IL1RAPL2: variants seen among roughly 807,000 people sequenced by gnomAD.
IL1RAPL2 encodes the protein X-linked interleukin-1 receptor accessory protein-like 2.
IL1RAPL2 carries 3 observed loss-of-function variants against 44.1 expected under a neutral mutation model. That is an observed-to-expected ratio of 0.07 (90% CI 0.03 to 0.18). The LOEUF (loss-of-function observed/expected upper bound fraction) is 0.18. Among genes scored for constraint, IL1RAPL2 ranks in the 10% least tolerant of loss-of-function variants. The probability of loss-of-function intolerance (pLI) is 1.00; values close to 1 mark genes in which losing one functional copy is unlikely to be tolerated. For missense variants in IL1RAPL2, 391 were observed against 496.4 expected, an observed-to-expected ratio of 0.79 and a Z score of 2.02; for synonymous variants, 181 against 178.8, an observed-to-expected ratio of 1.01 and a Z score of -0.10.
At chrX:104,775,121 G>A (rs1318561995) in intron 2 of IL1RAPL2, among the ~76,000 whole-genome samples, 2 of 112,451 alleles carry the variant, frequency 1.8e-5, no homozygotes, top group Admixed American at 9.4e-5. Flanking sequence ...AAAAGTTAGT[G>A]CTCAATTGTG....
At chrX:105,589,880 A>G (rs2037155987) in intron 6 of IL1RAPL2, among the ~76,000 whole-genome samples, 1 of 111,538 alleles carries the variant, frequency 9.0e-6, no homozygotes, top group Non-Finnish European at 1.9e-5. Context: ...GGTTTCATGA[A>G]TTTTAGAATA....
chrX:104,841,273 A>G (rs1921895403), intron 2 of IL1RAPL2, among the ~76,000 whole-genome samples: 1 of 111,547 alleles, frequency 9.0e-6, no homozygotes, highest in East Asian at 2.8e-4. Flanking sequence ...TTTTGAGCCT[A>G]TGTGTGTCTT....
At chrX:105,738,398 C>T (rs774343433) in intron 7 of IL1RAPL2, among the ~76,000 whole-genome samples, 15 of 110,880 alleles carry the variant, frequency 1.4e-4, no homozygotes, top group Non-Finnish European at 2.1e-4. Flanking sequence ...AATTGGGAGG[C>T]GGGTACTTAG....
intron 5 of IL1RAPL2, among the ~76,000 whole-genome samples, chrX:105,337,042 A>G (rs987345467): frequency 2.7e-5 from 3 of 111,696 alleles, no homozygotes; most frequent in Non-Finnish European, 3.8e-5. Flanking sequence ...CCTGCAGGCC[A>G]TATGTGTTTC....
chrX:104,741,457 T>A (rs1932100659), intron 2 of IL1RAPL2, among the ~76,000 whole-genome samples: 1 of 111,172 alleles, frequency 9.0e-6, no homozygotes, highest in African/African-American at 3.3e-5. Context: ...TTTGGATTAA[T>A]GGTATCGTAA....
At chrX:105,604,575 C>T (rs775306036) in intron 6 of IL1RAPL2, among the ~76,000 whole-genome samples, 2 of 110,552 alleles carry the variant, frequency 1.8e-5, no homozygotes, top group Non-Finnish European at 3.8e-5. Flanking sequence ...TTTTACCAAA[C>T]TTTCATAGAG....
intron 2 of IL1RAPL2, among the ~76,000 whole-genome samples, chrX:105,185,507 G>A (rs976001846): frequency 9.0e-6 from 1 of 111,348 alleles, no homozygotes; most frequent in African/African-American, 3.3e-5. Context: ...CCATTTTACC[G>A]GTACTGGGTT....
At chrX:104,740,003 C>A (rs756985955) in intron 2 of IL1RAPL2, among the ~76,000 whole-genome samples, 1 of 111,112 alleles carries the variant, frequency 9.0e-6, no homozygotes, top group African/African-American at 3.3e-5. Context: ...TCCTGTTTCA[C>A]CTGTTTGATG....
At chrX:105,588,936 T>A (rs981546185) in intron 6 of IL1RAPL2, among the ~76,000 whole-genome samples, 3 of 112,029 alleles carry the variant, frequency 2.7e-5, no homozygotes, top group African/African-American at 9.7e-5. Context: ...AAATTGTAGT[T>A]CTGTTTTAAG....
rs200404268 is a variant in IL1RAPL2 at position 105,591,267 on chromosome X, CT to C, written c.772+106883del. On this transcript the variant is annotated intron_variant, in intron 6 of 10. Coordinates refer to ENST00000372582, the MANE Select transcript of IL1RAPL2 (RefSeq NM_017416.2). ...TCTGTAGGGTTGGTGGTAATGTTTC[CT>C]TTGTCATTTCTGATTATGTTTATTT... is the stretch of plus-strand genomic sequence containing the variant. Among the ~76,000 whole-genome samples the C allele has an allele frequency of 7.8e-3, 837 of 107,481 alleles. 11 individuals are homozygous for C. The highest frequency in any genetic ancestry group is 0.027 in the African/African-American group (791 of 29,552). The allele number at this position is 107,481 out of a possible 115,157, so 93.3% of individuals were successfully genotyped here. A position where few individuals can be genotyped will look rare whatever the true frequency, so the allele number is the denominator to read the frequency against.
At chrX:104,662,022 C>A (rs1930410839) in intron 2 of IL1RAPL2, among the ~76,000 whole-genome samples, 1 of 112,214 alleles carries the variant, frequency 8.9e-6, no homozygotes, top group Non-Finnish European at 1.9e-5. Context: ...CTAATGGCCA[C>A]CCTTATGCAC....
intron 1 of IL1RAPL2, among the ~76,000 whole-genome samples, chrX:104,595,313 G>A (rs1456005243): frequency 9.0e-6 from 1 of 111,409 alleles, no homozygotes; most frequent in Non-Finnish European, 1.9e-5. Flanking sequence ...CTGGCTGGAG[G>A]TGCTATGAAC....
chrX:105,175,308 T>A (rs1040344022), intron 2 of IL1RAPL2, among the ~76,000 whole-genome samples: 11 of 111,431 alleles, frequency 9.9e-5, no homozygotes, highest in Middle Eastern at 4.7e-3. Flanking sequence ...CAAATGCAAA[T>A]CTCAATCCTC....
At chrX:105,317,669 CCAGT>C (rs759306536) in intron 5 of IL1RAPL2, among the ~76,000 whole-genome samples, 9 of 111,400 alleles carry the variant, frequency 8.1e-5, no homozygotes, top group Non-Finnish European at 1.5e-4. Flanking sequence ...TGTTTGGTGG[CCAGT>C]CAGTCTTCAA....
At chrX:105,010,123 G>T (rs73516228) in intron 2 of IL1RAPL2, among the ~76,000 whole-genome samples, 6,810 of 110,797 alleles carry the variant, frequency 0.061, 560 homozygotes, top group African/African-American at 0.21. Flanking sequence ...AGCAGGTAGG[G>T]CTCAAGAGTA....
At chrX:105,051,942 C>G (rs1265569952) in intron 2 of IL1RAPL2, among the ~76,000 whole-genome samples, 1 of 112,295 alleles carries the variant, frequency 8.9e-6, no homozygotes, top group African/African-American at 3.2e-5. Context: ...ACACATATAC[C>G]TATGTAAAAA....
At chrX:104,947,984 T>C (rs1925439048) in intron 2 of IL1RAPL2, among the ~76,000 whole-genome samples, 2 of 111,534 alleles carry the variant, frequency 1.8e-5, no homozygotes. Context: ...GGGGATGGCA[T>C]TGAATCTATA....
intron 10 of IL1RAPL2, among the ~76,000 whole-genome samples, chrX:105,762,873 A>ATTT (rs58537168): frequency 0.054 from 5,705 of 106,300 alleles, 413 homozygotes; most frequent in African/African-American, 0.19. Context: ...GGATTTAGGG[A>ATTT]TTTTTTTTTT....
intron 6 of IL1RAPL2, among the ~76,000 whole-genome samples, chrX:105,585,942 A>G (rs939028987): frequency 1.2e-4 from 13 of 112,276 alleles, no homozygotes; most frequent in Non-Finnish European, 2.3e-4. Context: ...AGCATTGAGC[A>G]AAGATTTTAT....
Sources: gnomAD v4.1 joint callset for allele counts (sites outside exome capture counted in the v4.1 genomes callset) on GRCh38, gnomAD v4.1.1 for gene constraint, MANE v1.5 for transcripts, NCBI Gene and HGNC (gene_info 2026-07-23, HGNC 2026-07-21) for gene names.